Variants in IFT80 observed in about 807,000 individuals in gnomAD.
IFT80 encodes intraflagellar transport 80, also known as intraflagellar transport protein 80 homolog.
A neutral mutation model predicts 107.9 loss-of-function variants in IFT80; 79 were observed. The observed-to-expected ratio is 0.73, with a 90% CI of 0.61 to 0.88. The LOEUF (loss-of-function observed/expected upper bound fraction) is 0.88, where lower values mean the gene tolerates loss of function less well. IFT80 is among the 40% of genes least tolerant of loss of function. The pLI is 0.00. For missense variants in IFT80, 797 were observed against 914.2 expected, an observed-to-expected ratio of 0.87 and a Z score of 1.65; for synonymous variants, 299 against 300.9, an observed-to-expected ratio of 0.99 and a Z score of 0.07.
intron 8 of IFT80, among the ~76,000 whole-genome samples, chr3:160,325,355 C>T (rs1718607406): frequency 6.6e-6 from 1 of 152,098 alleles, no homozygotes; most frequent in African/African-American, 2.4e-5. Context: ...GGTTTTAAAA[C>T]ACTGGAAGAA....
At chr3:160,331,203 C>A (rs1719064521) in intron 8 of IFT80, among the ~76,000 whole-genome samples, 1 of 152,088 alleles carries the variant, frequency 6.6e-6, no homozygotes, top group South Asian at 2.1e-4. Context: ...GAACACAAGC[C>A]CTGAAATACT....
At chr3:160,390,604 A>G (rs1713310805) in intron 1 of IFT80, among the ~76,000 whole-genome samples, 1 of 152,134 alleles carries the variant, frequency 6.6e-6, no homozygotes, top group South Asian at 2.1e-4. Context: ...ATGGTTGGAG[A>G]TGGTAGAAAC....
At chr3:160,372,337 C>G (rs1471772505) in intron 5 of IFT80, among the ~76,000 whole-genome samples, 2 of 152,160 alleles carry the variant, frequency 1.3e-5, no homozygotes, top group African/African-American at 4.8e-5. Flanking sequence ...CTTACTTGAG[C>G]CTTTAGCATC....
In IFT80 at chr3:160,376,247, A is replaced by C. The variant is rs148584739; in HGVS notation, c.371-367T>G. Among the ~76,000 whole-genome samples the C allele has an allele frequency of 2.6e-4, 39 of 152,350 alleles. 1 individual carries two copies. The East Asian group carries it at 6.6e-3, about 26-fold the overall frequency. ...GAAAAGTGTTTCCAGTGTAATAAGA[A>C]GAGCTGCAGCCAAATTCCAGTGAGT... On this transcript the variant is annotated intron_variant, in intron 4 of 19. Coordinates refer to ENST00000326448, the MANE Select transcript of IFT80 (RefSeq NM_020800.3).
Position 160,307,797 on chromosome 3 carries a change from T to C in IFT80, c.958-16A>G. On this transcript the variant is annotated splice_polypyrimidine_tract_variant and intron_variant, in intron 9 of 19. Transcript: ENST00000326448. ...CATTACGAACCTAAACAAGGAAAAA[T>C]AAAATACCAATAAACATTATAACAT... 4 of 1,240,324 alleles carry C rather than the reference T, an allele frequency of 3.2e-6. No individual in the cohort carries two copies. The highest frequency in any genetic ancestry group is 3.6e-6 in the Non-Finnish European group (3 of 840,884). 76.8% of individuals were successfully genotyped at this position (1,240,324 alleles called of 1,614,324 possible).
At position 160,339,427 on chromosome 3, in the gene IFT80, T is replaced by A. The variant is rs542846283; in HGVS notation, c.777+16586A>T. On this transcript the variant is annotated intron_variant, in intron 8 of 19. Transcript: ENST00000326448. ...GATTATGGGTATTATTTTTTCTAGC[T>A]TTCTGTTTTCATTATTTTTGTTATA... Among the ~76,000 whole-genome samples the A allele has an allele frequency of 4.6e-5, 7 of 152,332 alleles. No homozygotes were observed. The South Asian group carries it at 1.5e-3, about 32-fold the overall frequency.
chr3:160,281,087 G>A (rs1714653442), intron 14 of IFT80, among the ~76,000 whole-genome samples: 3 of 152,128 alleles, frequency 2.0e-5, no homozygotes, highest in Non-Finnish European at 2.9e-5. Context: ...TTGCTAATAA[G>A]TTAATCCTCT....
chr3:160,320,191 A>T, intron 8 of IFT80: 1 of 394,890 alleles, frequency 2.5e-6, no homozygotes, highest in Non-Finnish European at 4.5e-6. Flanking sequence ...ACATCATCTC[A>T]ATGTTTACTA....
In IFT80 at chr3:160,388,763, C is replaced by T. The variant is rs187124297; in HGVS notation, c.-46-4117G>A. On this transcript the variant is annotated intron_variant, in intron 1 of 19. Transcript: ENST00000326448. ...CAATTATTCTGGATCATCCAGTGAA[C>T]CCAAATAAATATACAAGGCCCTTAA... 3.2e-4 allele frequency among the ~76,000 whole-genome samples: 48 copies of T among 152,076 alleles called. No homozygotes were observed. The East Asian group carries it at 8.7e-3, about 28-fold the overall frequency.
At chr3:160,348,176 A>T (rs1720433486) in intron 8 of IFT80, among the ~76,000 whole-genome samples, 1 of 151,752 alleles carries the variant, frequency 6.6e-6, no homozygotes, top group Non-Finnish European at 1.5e-5. Context: ...TCATGTTTTT[A>T]TTGGCCATTT....
At chr3:160,303,792 A>C in intron 11 of IFT80, 123 bp downstream of exon 11, 1 of 652,494 alleles carries the variant, frequency 1.5e-6, no homozygotes, top group East Asian at 2.7e-5. Flanking sequence ...TAAAATGTAA[A>C]ATAGAAACAG....
chr3:160,346,108 G>T (rs894920990), intron 8 of IFT80, among the ~76,000 whole-genome samples: 1 of 152,174 alleles, frequency 6.6e-6, no homozygotes, highest in Non-Finnish European at 1.5e-5. Flanking sequence ...TTACCAGGTG[G>T]TGCGTAGTGG....
At chr3:160,369,355 CCTT>C (rs1025993159) in intron 5 of IFT80, among the ~76,000 whole-genome samples, 9 of 151,828 alleles carry the variant, frequency 5.9e-5, no homozygotes, top group African/African-American at 2.2e-4. Flanking sequence ...TAGTTACTCT[CCTT>C]AACCATTAAA....
rs1712487475 is a variant in IFT80 at position 160,257,924 on chromosome 3, C to T, written c.*601G>A. 1 of 153,606 alleles carries T rather than the reference C, an allele frequency of 6.5e-6. No homozygotes were observed. The highest frequency in any genetic ancestry group is 2.0e-4 in the South Asian group (1 of 4,924). The allele number at this position is 153,606 out of a possible 1,614,324, so 9.5% of individuals were successfully genotyped here. A position where few individuals can be genotyped will look rare whatever the true frequency, so the allele number is the denominator to read the frequency against. On this transcript the variant is annotated 3_prime_UTR_variant, in exon 20 of 20. Coordinates refer to ENST00000326448, the MANE Select transcript of IFT80 (RefSeq NM_020800.3). ...AGGTTTATCCTGAGGTAGTATTTAT[C>T]AGAATTTCATTCCTTTTTAAAGCTA... is the stretch of plus-strand genomic sequence containing the variant.
intron 8 of IFT80, among the ~76,000 whole-genome samples, chr3:160,349,748 C>T (rs1490224171): frequency 2.6e-5 from 4 of 151,670 alleles, no homozygotes; most frequent in African/African-American, 4.8e-5. Context: ...AGTTTTTTTT[C>T]GAAAGAGAAA....
chr3:160,261,148 C>G lies in IFT80; in HGVS notation c.2224-2513G>C, dbSNP rs1037516597. On this transcript the variant is annotated intron_variant, in intron 19 of 19. Transcript: ENST00000326448. ...CTCTATGCTGTCTTCTCCCTGCAAG[C>G]TACCATCCTTCTTCTTCTCATTCCT... 3.3e-5 allele frequency among the ~76,000 whole-genome samples: 5 copies of G among 152,214 alleles called. No individual in the cohort carries two copies. The East Asian group carries it at 9.7e-4, about 29-fold the overall frequency.
intron 9 of IFT80, among the ~76,000 whole-genome samples, chr3:160,312,350 T>C (rs1236357462): frequency 6.6e-6 from 1 of 151,334 alleles, no homozygotes; most frequent in African/African-American, 2.4e-5. Context: ...AGCTACCTCA[T>C]AGACCCCCAG....
chr3:160,337,147 TCCA>T, intron 8 of IFT80, among the ~76,000 whole-genome samples: 1 of 152,236 alleles, frequency 6.6e-6, no homozygotes, highest in South Asian at 2.1e-4. Flanking sequence ...ATCTTTCACA[TCCA>T]CCATTTTATC....
chr3:160,259,540 A>G (rs893764834), intron 19 of IFT80, among the ~76,000 whole-genome samples: 1 of 152,232 alleles, frequency 6.6e-6, no homozygotes. Context: ...CAATGAGGAA[A>G]AGATGTTAGA....
Sources: gnomAD v4.1 joint callset for allele counts (sites outside exome capture counted in the v4.1 genomes callset) on GRCh38, gnomAD v4.1.1 for gene constraint, MANE v1.5 for transcripts, NCBI Gene and HGNC (gene_info 2026-07-23, HGNC 2026-07-21) for gene names.